CATSPERE: variants seen among roughly 807,000 people sequenced by gnomAD.
CATSPERE encodes the protein catsper channel auxiliary subunit epsilon, also known as cation channel sperm-associated auxiliary subunit epsilon.
Under a neutral mutation model 114.1 loss-of-function variants are expected in CATSPERE, and 93 were observed. That is an observed-to-expected ratio of 0.81 (90% confidence interval 0.69 to 0.97). CATSPERE has a LOEUF of 0.97. CATSPERE is among the 50% of genes least tolerant of loss of function. The probability of loss-of-function intolerance (pLI) is 0.00; values close to 1 mark genes in which losing one functional copy is unlikely to be tolerated. For synonymous variants in CATSPERE, 341 were observed against 384.1 expected, an observed-to-expected ratio of 0.89 and a Z score of 1.31; for missense variants, 1,058 against 1,131.6, an observed-to-expected ratio of 0.93 and a Z score of 0.93.
intron 17 of CATSPERE, 81 bp downstream of exon 17, chr1:244,593,659 C>A: frequency 9.2e-7 from 1 of 1,083,122 alleles, no homozygotes; most frequent in Non-Finnish European, 1.4e-6. Context: ...ATTGATCATG[C>A]ATCTAACAAC....
intron 13 of CATSPERE, among the ~76,000 whole-genome samples, chr1:244,585,194 G>A (rs1014682150): frequency 1.3e-5 from 2 of 152,166 alleles, no homozygotes; most frequent in South Asian, 4.1e-4. Flanking sequence ...CTTACTCTGA[G>A]CCTCAGCTGC....
At chr1:244,545,967 C>G (rs1659686282) in intron 8 of CATSPERE, among the ~76,000 whole-genome samples, 1 of 152,216 alleles carries the variant, frequency 6.6e-6, no homozygotes, top group Non-Finnish European at 1.5e-5. Flanking sequence ...GCCTGGTTTA[C>G]AGATGGCTTT....
rs1558584035 is a variant in CATSPERE at position 244,607,599 on chromosome 1, G to C, written c.2403+1805G>C. On this transcript the variant is annotated intron_variant, in intron 18 of 21. Transcript: ENST00000366534. The surrounding 1 kb of genome is among the most constrained non-coding windows in gnomAD (Gnocchi z 4.4). Reference sequence around the variant, plus strand: ...CAGAAGTCATAGGTGTCACTTCCAGGTGAAGTGCTTAAGAAGGAATCACGT... The same window carrying C: ...CAGAAGTCATAGGTGTCACTTCCAGCTGAAGTGCTTAAGAAGGAATCACGT... Among the ~76,000 whole-genome samples, 1 of 152,176 alleles carries C rather than the reference G, an allele frequency of 6.6e-6. No homozygotes were observed. The highest frequency in any genetic ancestry group is 1.5e-5 in the Non-Finnish European group (1 of 68,042).
chr1:244,550,590 A>G (rs573850245), intron 8 of CATSPERE, among the ~76,000 whole-genome samples: 1 of 152,360 alleles, frequency 6.6e-6, no homozygotes, highest in East Asian at 1.9e-4. Flanking sequence ...CAATGTAGCA[A>G]AATGATACTG....
At chr1:244,556,314 A>C (rs944533952) in intron 9 of CATSPERE, among the ~76,000 whole-genome samples, 5 of 152,090 alleles carry the variant, frequency 3.3e-5, no homozygotes, top group African/African-American at 1.2e-4. Flanking sequence ...AATATGAAAA[A>C]AATTATAAAA....
At chr1:244,588,334 A>G in intron 13 of CATSPERE, 148 bp from the exon 14 acceptor site, 1 of 538,868 alleles carries the variant, frequency 1.9e-6, no homozygotes, top group East Asian at 2.9e-5. Context: ...GGAAAGAGGA[A>G]GAAAACAGTG....
At chr1:244,506,394 C>T (rs1572452920) in intron 7 of CATSPERE, among the ~76,000 whole-genome samples, 1 of 152,278 alleles carries the variant, frequency 6.6e-6, no homozygotes, top group East Asian at 1.9e-4. Flanking sequence ...GCTTTAAAAA[C>T]TTTTGGGTAT....
chr1:244,614,395 T>G (rs1450632361), intron 19 of CATSPERE, among the ~76,000 whole-genome samples: 1 of 152,226 alleles, frequency 6.6e-6, no homozygotes, highest in African/African-American at 2.4e-5. Flanking sequence ...TGACTCTAAC[T>G]GAAGCCAAAG....
intron 17 of CATSPERE, chr1:244,598,537 C>G (rs1229322563): frequency 4.6e-6 from 1 of 215,906 alleles, no homozygotes; most frequent in Non-Finnish European, 9.9e-6. Flanking sequence ...TTCTTGGTGT[C>G]TGTGTACAAG....
At chr1:244,540,176 G>A (rs1275481643) in intron 8 of CATSPERE, among the ~76,000 whole-genome samples, 1 of 151,304 alleles carries the variant, frequency 6.6e-6, no homozygotes, top group Non-Finnish European at 1.5e-5. Flanking sequence ...GGCAGGAGAA[G>A]GAAATAAAGG....
chr1:244,497,310 C>T (rs2148266748), intron 6 of CATSPERE, among the ~76,000 whole-genome samples: 1 of 151,934 alleles, frequency 6.6e-6, no homozygotes, highest in Non-Finnish European at 1.5e-5. Context: ...AAATGGAATA[C>T]AGGTAGAAAA....
chr1:244,554,851 A>C (rs1458147210), intron 9 of CATSPERE, among the ~76,000 whole-genome samples: 1 of 152,206 alleles, frequency 6.6e-6, no homozygotes, highest in Non-Finnish European at 1.5e-5. Context: ...TTACAGGCCA[A>C]TATTCCTGAT....
Position 244,495,685 on chromosome 1 carries a change from C to G in CATSPERE, c.352-3317C>G, listed in dbSNP as rs141172254. Among the ~76,000 whole-genome samples the G allele has an allele frequency of 5.6e-3, 847 of 152,234 alleles. 9 individuals carry two copies. Among genetic ancestry groups the G allele is most frequent in the African/African-American group, 0.02 (816 of 41,532 alleles). On this transcript the variant is annotated intron_variant, in intron 6 of 21. Coordinates refer to ENST00000366534, the MANE Select transcript of CATSPERE (RefSeq NM_001130957.2). The stretch of plus-strand genomic sequence containing the variant: ...GCAGTGAGCCGAGATTGCGCCACTG[C>G]ATTCCCGCCTGGCGACAGAGCGAGA...
chr1:244,545,196 A>G (rs1659535720), intron 8 of CATSPERE, among the ~76,000 whole-genome samples: 1 of 152,184 alleles, frequency 6.6e-6, no homozygotes, highest in Non-Finnish European at 1.5e-5. Context: ...CCTCAGTGAA[A>G]TTTCTTGCAG....
intron 8 of CATSPERE, among the ~76,000 whole-genome samples, chr1:244,524,130 C>A (rs1678107032): frequency 6.7e-6 from 1 of 150,010 alleles, no homozygotes; most frequent in African/African-American, 2.5e-5. Flanking sequence ...GTATTGGTAC[C>A]AAAACAGAGA....
intron 8 of CATSPERE, among the ~76,000 whole-genome samples, chr1:244,528,641 G>A (rs900563285): frequency 1.3e-5 from 2 of 152,088 alleles, no homozygotes; most frequent in African/African-American, 4.8e-5. Context: ...TTGTGTTACA[G>A]TCTAATTATA....
rs748651970 is a variant in CATSPERE at position 244,461,389 on chromosome 1, G to T, written c.-41G>T. On this transcript the variant is annotated 5_prime_UTR_variant, in exon 1 of 22. Transcript: ENST00000366534. ...CCACGGGAATGCGCGAGGCCTGGAC[G>T]GGAGTGGCCGAGGCGGTTGGGCGGA... 6.4e-5 allele frequency: 85 copies of T among 1,330,562 alleles called. No individual in the cohort carries two copies. Among genetic ancestry groups the T allele is most frequent in the African/African-American group, 4.6e-4 (30 of 65,456 alleles). 82.4% of individuals were successfully genotyped at this position (1,330,562 alleles called of 1,614,324 possible).
intron 10 of CATSPERE, among the ~76,000 whole-genome samples, chr1:244,571,080 C>T (rs578052871): frequency 6.6e-6 from 1 of 152,142 alleles, no homozygotes; most frequent in African/African-American, 2.4e-5. Context: ...TTTTATATAT[C>T]ATTATACTGC....
chr1:244,525,037 C>T (rs1572559976), intron 8 of CATSPERE, among the ~76,000 whole-genome samples: 1 of 145,284 alleles, frequency 6.9e-6, no homozygotes, highest in African/African-American at 2.7e-5. Flanking sequence ...GACACATGCA[C>T]ACGTATGTTT....
Sources: allele counts gnomAD v4.1 joint callset (sites outside exome capture counted in the v4.1 genomes callset), GRCh38; gene constraint gnomAD v4.1.1; non-coding constraint Gnocchi (gnomAD v3.1); transcripts MANE v1.5; gene names NCBI Gene and HGNC (gene_info 2026-07-23, HGNC 2026-07-21).